The following ASAP2 variants were observed in gnomAD, a reference collection of about 807,000 sequenced individuals.
The protein encoded by ASAP2 is arf-GAP with SH3 domain, ANK repeat and PH domain-containing protein 2.
Under a neutral mutation model 131.4 loss-of-function variants are expected in ASAP2, and 45 were observed. The ratio of observed to expected loss-of-function variants is 0.34; its 90% CI spans 0.27 to 0.44. ASAP2 has a LOEUF of 0.44. Ranked by LOEUF, ASAP2 falls within the 20% of genes least tolerant of loss-of-function variation. The pLI is 1.00. For synonymous variants in ASAP2, 510 were observed against 503.0 expected (o/e 1.01, Z -0.19); for missense variants, 1,011 against 1,297.0 (o/e 0.78, Z 3.39).
intron 1 of ASAP2, among the ~76,000 whole-genome samples, chr2:9,247,646 T>A (rs1664426569): frequency 6.6e-6 from 1 of 152,184 alleles, no homozygotes; most frequent in Non-Finnish European, 1.5e-5. Context: ...ATTCTGAAAT[T>A]TGGGAATGAT....
chr2:9,237,115 G>C (rs1663608388), intron 1 of ASAP2, among the ~76,000 whole-genome samples: 1 of 152,126 alleles, frequency 6.6e-6, no homozygotes, highest in Non-Finnish European at 1.5e-5. Context: ...TGCGGGCTGG[G>C]AATCCAGGAA....
At chr2:9,320,486 C>G in intron 5 of ASAP2, 149 bp downstream of exon 5, 1 of 623,000 alleles carries the variant, frequency 1.6e-6, no homozygotes. Context: ...ATTTTGATGA[C>G]AGATGTGTTT....
chr2:9,393,777 C>G, intron 24 of ASAP2, 130 bp downstream of exon 24: 1 of 994,768 alleles, frequency 1.0e-6, no homozygotes. Context: ...ACTAATTCAT[C>G]GGGGCTGAAG....
At chr2:9,336,561 A>G (rs2148570826) in intron 9 of ASAP2, among the ~76,000 whole-genome samples, 1 of 152,234 alleles carries the variant, frequency 6.6e-6, no homozygotes, top group Non-Finnish European at 1.5e-5. Flanking sequence ...CTTCCATCAC[A>G]CTGTAGTGCC....
intron 3 of ASAP2, among the ~76,000 whole-genome samples, chr2:9,308,223 T>C (rs1243581548): frequency 1.3e-5 from 2 of 152,190 alleles, no homozygotes; most frequent in African/African-American, 4.8e-5. Flanking sequence ...GCTCGGCTTC[T>C]GGGGAGGCCT....
intron 3 of ASAP2, among the ~76,000 whole-genome samples, chr2:9,315,350 G>A (rs967160670): frequency 6.6e-6 from 1 of 152,206 alleles, no homozygotes; most frequent in Non-Finnish European, 1.5e-5. Context: ...GTGAGGCGCA[G>A]CCAAGGCAGT....
Position 9,401,468 on chromosome 2 carries a change from G to A in ASAP2, c.2946+72G>A, listed in dbSNP as rs75384948. On this transcript the variant is annotated intron_variant, in intron 27 of 27. Coordinates refer to ENST00000281419, the MANE Select transcript of ASAP2 (RefSeq NM_003887.3). ...CCCTGCCCACCTGGCTGGAGAGACG[G>A]GCTTGCAGGTGAGGTTTTCTCAGCC... The A allele has an allele frequency of 1.5e-3, 2,273 of 1,558,908 alleles. 68 individuals are homozygous for A. In the East Asian group the frequency reaches 0.047, roughly 33 times the overall value.
chr2:9,269,812 A>T (rs1553300953), intron 1 of ASAP2, among the ~76,000 whole-genome samples: 1 of 152,224 alleles, frequency 6.6e-6, no homozygotes, highest in Non-Finnish European at 1.5e-5. Flanking sequence ...TGGACAGCAC[A>T]GGTGTGGAAA....
chr2:9,286,454 A>G (rs914536776), intron 2 of ASAP2, among the ~76,000 whole-genome samples: 13 of 151,028 alleles, frequency 8.6e-5, no homozygotes, highest in Non-Finnish European at 1.9e-4. Flanking sequence ...AAAAATATAT[A>G]TATATATACT....
chr2:9,387,172 C>T (rs1184670234), intron 21 of ASAP2, among the ~76,000 whole-genome samples: 1 of 143,082 alleles, frequency 7.0e-6, no homozygotes, highest in Non-Finnish European at 1.5e-5. Context: ...TGGGATTGCG[C>T]CACTGCATTC....
Position 9,233,967 on chromosome 2 carries a change from TG to T in ASAP2, c.126+26739del, listed in dbSNP as rs1663355052. Among the ~76,000 whole-genome samples, 4 of 152,004 alleles carry T rather than the reference TG, an allele frequency of 2.6e-5. No individual in the cohort carries two copies. In the South Asian group the frequency reaches 8.3e-4, roughly 32 times the overall value. On this transcript the variant is annotated intron_variant, in intron 1 of 27. Coordinates refer to ENST00000281419, the MANE Select transcript of ASAP2 (RefSeq NM_003887.3). The stretch of plus-strand genomic sequence containing the variant: ...CTTTACTAAAAATATAAAAATTAGC[TG>T]GTCGTGGTGACAGGCACCTGTAATC...
intron 14 of ASAP2, among the ~76,000 whole-genome samples, chr2:9,357,991 G>A (rs1198338726): frequency 1.3e-5 from 2 of 152,126 alleles, no homozygotes; most frequent in East Asian, 3.9e-4. Context: ...CAAGCATTTT[G>A]TGGGTCCCTA....
chr2:9,378,941 C>G lies in ASAP2; in HGVS notation c.1833-3C>G. 6.9e-7 allele frequency: 1 copy of G among 1,441,306 alleles called. No individual in the cohort carries two copies. Among genetic ancestry groups the G allele is most frequent in the Non-Finnish European group, 9.2e-7 (1 of 1,085,774 alleles). The allele number at this position is 1,441,306 out of a possible 1,614,324, so 89.3% of individuals were successfully genotyped here. A position where few individuals can be genotyped will look rare whatever the true frequency, so the allele number is the denominator to read the frequency against. On this transcript the variant is annotated splice_polypyrimidine_tract_variant and splice_region_variant and intron_variant, in intron 18 of 27. Coordinates refer to ENST00000281419, the MANE Select transcript of ASAP2 (RefSeq NM_003887.3). ...CTCTCTCTCTGTTCCTGTTCTCGGG[C>G]AGTGGGAACCTGGATAAACAGACAG...
In ASAP2 at chr2:9,305,573, A is replaced by G. The variant is rs1372677988; in HGVS notation, c.345+8128A>G. On this transcript the variant is annotated intron_variant, in intron 3 of 27. Transcript: ENST00000281419. ...CAGATATTGGTGGAGGGGCTGTAGT[A>G]GTGAGGTATAGATATTGGAGGGTCT... is the stretch of plus-strand genomic sequence containing the variant. Among the ~76,000 whole-genome samples, 650 of 117,458 alleles carry G rather than the reference A, an allele frequency of 5.5e-3. 4 individuals are homozygous for G. Among genetic ancestry groups the G allele is most frequent in the Non-Finnish European group, 6.4e-3 (372 of 58,098 alleles). The allele number at this position is 117,458 out of a possible 152,430, so 77.1% of individuals were successfully genotyped here. A position where few individuals can be genotyped will look rare whatever the true frequency, so the allele number is the denominator to read the frequency against.
At chr2:9,239,485 TAAC>T (rs888322042) in intron 1 of ASAP2, among the ~76,000 whole-genome samples, 11 of 152,290 alleles carry the variant, frequency 7.2e-5, no homozygotes, top group African/African-American at 2.6e-4. Context: ...GGGGAGATAA[TAAC>T]AAACTCTTCT....
chr2:9,283,582 C>G (rs992769478), intron 2 of ASAP2, among the ~76,000 whole-genome samples: 1 of 152,140 alleles, frequency 6.6e-6, no homozygotes, highest in Non-Finnish European at 1.5e-5. Context: ...TGGTCATGGC[C>G]GGTGGTGTCT....
At chr2:9,379,611 C>T (rs939500994) in intron 19 of ASAP2, among the ~76,000 whole-genome samples, 2 of 152,082 alleles carry the variant, frequency 1.3e-5, no homozygotes, top group African/African-American at 2.4e-5. Context: ...CAGCTGTTGT[C>T]CCCTCAGGAG....
At position 9,344,532 on chromosome 2, in the gene ASAP2, G is replaced by T; in HGVS notation, c.850G>T (p.Asp284Tyr). The change falls in exon 10 of 28, where the codon GAC becomes TAC. Residue 284 changes from aspartate (D) to tyrosine (Y), a missense_variant and splice_region_variant. Physicochemically the swap from Asp to Tyr is radical, Grantham distance 160. This residue lies in a region of ASAP2 where 359 missense variants were observed against 598.1 expected (regional missense o/e 0.60). Coordinates refer to ENST00000281419, the MANE Select transcript of ASAP2 (RefSeq NM_003887.3). ...KSALQVEQKEDSQIRQSTAYS... is the reference protein window; with the variant it reads ...KSALQVEQKEYSQIRQSTAYS... ...AAACACACTCTTCACCATTTTTTAG[G>T]ACTCCCAAATTCGTCAGAGCACAGC... 1 of 1,612,124 alleles carries T rather than the reference G, an allele frequency of 6.2e-7. No homozygotes were observed. Among genetic ancestry groups the T allele is most frequent in the Non-Finnish European group, 8.5e-7 (1 of 1,178,910 alleles).
rs755718499 is a variant in ASAP2, at chr2:9,335,197, T to G, written c.849+18T>G. The G allele has an allele frequency of 6.2e-7, 1 of 1,611,524 alleles. No homozygotes were observed. Among genetic ancestry groups the G allele is most frequent in the Non-Finnish European group, 8.5e-7 (1 of 1,177,622 alleles). ...AGAAAGAGGTGAGGGGATTTAATTTTGAAAGATTGCAGTTTTCACCCCATT... is the reference window on the plus strand; with the variant it reads ...AGAAAGAGGTGAGGGGATTTAATTTGGAAAGATTGCAGTTTTCACCCCATT... On this transcript the variant is annotated intron_variant, in intron 9 of 27. Coordinates refer to ENST00000281419, the MANE Select transcript of ASAP2 (RefSeq NM_003887.3).
Sources: gnomAD v4.1 joint callset for allele counts (sites outside exome capture counted in the v4.1 genomes callset) on GRCh38, gnomAD v4.1.1 for gene constraint, gnomAD v4.1.1 regional missense constraint, MANE v1.5 for transcripts, NCBI Gene and HGNC (gene_info 2026-07-23, HGNC 2026-07-21) for gene names.